The following MTCL1 variants were observed in gnomAD, a reference collection of about 807,000 sequenced individuals.
MTCL1 encodes microtubule cross-linking factor 1.
MTCL1 carries 79 observed loss-of-function variants against 141.4 expected under a neutral mutation model. That is an observed-to-expected ratio of 0.56 (90% CI 0.47 to 0.67). MTCL1 has a LOEUF of 0.67. MTCL1 is among the 30% of genes least tolerant of loss of function. The pLI is 0.00. For synonymous variants in MTCL1, 914 were observed against 875.8 expected (o/e 1.04, Z -0.77); for missense variants, 2,177 against 2,113.9 (o/e 1.03, Z -0.59).
At position 8,830,466 on chromosome 18, in the gene MTCL1, G is replaced by A; in HGVS notation, c.*19-1141G>A. 3.0e-6 allele frequency: 3 copies of A among 985,694 alleles called. No individual in the cohort carries two copies. The highest frequency in any genetic ancestry group is 1.7e-5 in the African/African-American group (1 of 57,358). The allele number at this position is 985,694 out of a possible 1,614,324, so 61.1% of individuals were successfully genotyped here. ...GCTGTCCTCGGGCCATGCTGTCTCTGCCGTGTTCCATCTTCTCCCGAGTGA... is the reference window on the plus strand; with the variant it reads ...GCTGTCCTCGGGCCATGCTGTCTCTACCGTGTTCCATCTTCTCCCGAGTGA... On this transcript the variant is annotated intron_variant, in intron 16 of 16. Transcript: ENST00000359865. This position sits in a 1 kb window ranked among gnomAD's most constrained non-coding sequence, Gnocchi z 6.4.
exon 17 of MTCL1, chr18:8,831,917 G>A: frequency 7.7e-7 from 1 of 1,295,602 alleles, no homozygotes; most frequent in Admixed American, 2.3e-5. Context: ...GTCAAAGAAT[G>A]TTTTTTAAAA....
At chr18:8,708,872 A>C (rs2096071882) in intron 1 of MTCL1, among the ~76,000 whole-genome samples, 1 of 152,182 alleles carries the variant, frequency 6.6e-6, no homozygotes, top group African/African-American at 2.4e-5. Context: ...CCACCTCCCC[A>C]CTGTTCCTCC....
Position 8,824,730 on chromosome 18 carries a change from C to T in MTCL1, c.3220C>T (p.Gln1074Ter). 1 of 1,613,568 alleles carries T rather than the reference C, an allele frequency of 6.2e-7. No homozygotes were observed. The highest frequency in any genetic ancestry group is 1.3e-5 in the African/African-American group (1 of 75,016). Reference sequence around the variant, plus strand: ...GTCCGTGTCCTCCATGTCTGAGTTCCAGCGTCTAATGGACATCTCCCCCTT... The same window carrying T: ...GTCCGTGTCCTCCATGTCTGAGTTCTAGCGTCTAATGGACATCTCCCCCTT... Residue 1074 changes from glutamine (Q) to a stop codon, truncating the protein, a stop_gained, in exon 15 of 17, where the codon CAG (glutamine) becomes TAG (stop). Transcript: ENST00000359865. LOFTEE classifies it high-confidence loss of function.
At position 8,739,925 on chromosome 18, in the gene MTCL1, G is replaced by T. The variant is rs576605002; in HGVS notation, c.357+19429G>T. On this transcript the variant is annotated intron_variant, in intron 4 of 16. Transcript: ENST00000359865. Reference sequence around the variant, plus strand: ...TTTTTGTATTTTTAGTAGAGGTGGGGTTTCACCATGTTGGCCAGGATGTTC... The same window carrying T: ...TTTTTGTATTTTTAGTAGAGGTGGGTTTTCACCATGTTGGCCAGGATGTTC... Among the ~76,000 whole-genome samples the T allele has an allele frequency of 2.6e-5, 4 of 152,320 alleles. No homozygotes were observed. The South Asian group carries it at 8.3e-4, about 32-fold the overall frequency.
exon 6 of MTCL1, chr18:8,783,551 T>A (rs1380359805): frequency 4.4e-6 from 7 of 1,603,886 alleles, no homozygotes; most frequent in Non-Finnish European, 6.0e-6. Context: ...CGATTTGAGG[T>A]GCCAGCTCCA....
At chr18:8,817,252 CTTTTTTTT>C (rs35022661) in intron 12 of MTCL1, among the ~76,000 whole-genome samples, 1 of 118,260 alleles carries the variant, frequency 8.5e-6, no homozygotes, top group Admixed American at 9.8e-5. Flanking sequence ...AAAGCCTTCC[CTTTTTTTT>C]TTTTTTTTTT....
At chr18:8,778,569 C>G (rs996441840) in intron 5 of MTCL1, among the ~76,000 whole-genome samples, 1 of 152,184 alleles carries the variant, frequency 6.6e-6, no homozygotes, top group African/African-American at 2.4e-5. Context: ...CACCGACCTC[C>G]TGCAGCCCTG....
At chr18:8,705,606 C>CCGCCGCCGCCGCCGCCGT (rs1218361944), upstream of MTCL1, 6 of 1,198,710 alleles carry the variant, frequency 5.0e-6, no homozygotes, top group Non-Finnish European at 6.2e-6. The surrounding 1 kb of genome is among the most constrained non-coding windows in gnomAD (Gnocchi z 5.2). Context: ...GCCGCCGCCG[C>CCGCCGCCGCCGCCGCCGT]CGCCGTCGTC....
intron 13 of MTCL1, among the ~76,000 whole-genome samples, chr18:8,821,098 C>A (rs887455268): frequency 1.3e-5 from 2 of 152,224 alleles, no homozygotes; most frequent in Admixed American, 1.3e-4. Flanking sequence ...CTCTCTCTCT[C>A]TCAGTCTCAC....
At chr18:8,769,125 C>T (rs900972090) in intron 4 of MTCL1, among the ~76,000 whole-genome samples, 1 of 152,168 alleles carries the variant, frequency 6.6e-6, no homozygotes, top group Non-Finnish European at 1.5e-5. Context: ...AAGACACAGC[C>T]TTATATTCAG....
At chr18:8,746,279 A>C (rs1271431925) in intron 4 of MTCL1, among the ~76,000 whole-genome samples, 2 of 152,030 alleles carry the variant, frequency 1.3e-5, no homozygotes, top group African/African-American at 4.8e-5. Flanking sequence ...ATCAGATGAT[A>C]CCTCTACTTT....
Position 8,813,041 on chromosome 18 carries a change from C to A in MTCL1, c.2667C>A (p.Ala889=), listed in dbSNP as rs2076537988. ...GCTCCTCCGCTGAGAGCAAGGGGGC[C>A]TTGAAGAAGGAGAGAGAGGTGCACC... The change falls in exon 12 of 17, where the codon GCC becomes GCA. Residue 889 remains alanine (A), a synonymous_variant. Coordinates refer to ENST00000359865, the Ensembl canonical transcript of MTCL1. The A allele has an allele frequency of 6.2e-6, 10 of 1,614,152 alleles. No individual in the cohort carries two copies. In the East Asian group the frequency reaches 2.2e-4, roughly 36 times the overall value.
chr18:8,825,911 C>A, exon 15 of MTCL1: 1 of 1,610,360 alleles, frequency 6.2e-7, no homozygotes, highest in Non-Finnish European at 8.5e-7. Flanking sequence ...TGCGGGCCGG[C>A]AGTCGGTCTC....
intron 4 of MTCL1, among the ~76,000 whole-genome samples, chr18:8,775,388 T>C (rs1237988045): frequency 1.4e-5 from 2 of 144,162 alleles, no homozygotes; most frequent in African/African-American, 2.7e-5. Context: ...CTGGCCAACA[T>C]GGTGAAACCT....
At chr18:8,798,041 C>A in intron 9 of MTCL1, 56 bp from the exon 9 acceptor site, 2 of 1,506,454 alleles carry the variant, frequency 1.3e-6, no homozygotes, top group South Asian at 1.3e-5. Context: ...GAAAATCAGG[C>A]TGTACAGCAA....
chr18:8,773,053 A>G (rs907635149), intron 4 of MTCL1, among the ~76,000 whole-genome samples: 1 of 152,242 alleles, frequency 6.6e-6, no homozygotes, highest in Non-Finnish European at 1.5e-5. Flanking sequence ...TATCTTAAAT[A>G]TATACAATAA....
intron 3 of MTCL1, 147 bp downstream of exon 2, chr18:8,718,795 G>A: frequency 1.5e-6 from 1 of 680,780 alleles, no homozygotes; most frequent in Non-Finnish European, 2.5e-6. Context: ...GGCTTATAGA[G>A]TGTGTGTAGT....
intron 8 of MTCL1, among the ~76,000 whole-genome samples, chr18:8,794,392 G>A (rs2075842184): frequency 6.6e-6 from 1 of 152,186 alleles, no homozygotes; most frequent in Non-Finnish European, 1.5e-5. Flanking sequence ...ACTGAGCTCT[G>A]AGAATTAGGA....
intron 3 of MTCL1, among the ~76,000 whole-genome samples, chr18:8,718,882 G>A (rs920139467): frequency 1.1e-4 from 17 of 152,082 alleles, no homozygotes; most frequent in Non-Finnish European, 2.1e-4. Flanking sequence ...TTGTGATAAC[G>A]AAGAATTAAT....
Sources: allele counts gnomAD v4.1 joint callset (sites outside exome capture counted in the v4.1 genomes callset), GRCh38; gene constraint gnomAD v4.1.1; non-coding constraint Gnocchi (gnomAD v3.1); transcripts MANE v1.5; gene names NCBI Gene and HGNC (gene_info 2026-07-23, HGNC 2026-07-21).